The following LRRK1 variants were observed in gnomAD, a reference collection of about 807,000 sequenced individuals.
LRRK1 encodes the protein leucine rich repeat kinase 1, also known as leucine-rich repeat serine/threonine-protein kinase 1.
In LRRK1, 113 loss-of-function variants were observed where a neutral mutation model predicts 209.1. The ratio of observed to expected loss-of-function variants is 0.54; its 90% CI spans 0.46 to 0.63. The LOEUF is 0.63. Ranked by LOEUF, LRRK1 falls within the 30% of genes least tolerant of loss-of-function variation. LRRK1 has a pLI of 0.00. For synonymous variants in LRRK1, 1,144 were observed against 1,099.7 expected (o/e 1.04, Z -0.80); for missense variants, 2,284 against 2,632.2 (o/e 0.87, Z 2.89).
At chr15:101,006,379 AAAAAAAAAAAAAAG>A (rs1217062055) in intron 6 of LRRK1, among the ~76,000 whole-genome samples, 2 of 49,522 alleles carry the variant, frequency 4.0e-5, no homozygotes, top group African/African-American at 1.8e-4. Flanking sequence ...TGATAAAAAA[AAAAAAAAAAAAAAG>A]AAAAGGCATT....
chr15:100,999,965 A>G (rs1275255318), intron 6 of LRRK1, among the ~76,000 whole-genome samples: 1 of 152,196 alleles, frequency 6.6e-6, no homozygotes, highest in African/African-American at 2.4e-5. Flanking sequence ...TTCAACGGTA[A>G]TATTTCCTTT....
chr15:101,057,909 G>C, intron 28 of LRRK1, 81 bp from the exon 29 acceptor site: 1 of 1,465,424 alleles, frequency 6.8e-7, no homozygotes, highest in Non-Finnish European at 9.5e-7. Flanking sequence ...CCTGGTTGGG[G>C]CTGGCTGATC....
At chr15:101,021,290 T>C (rs527653682) in intron 13 of LRRK1, 108 bp downstream of exon 13, 1 of 1,259,912 alleles carries the variant, frequency 7.9e-7, no homozygotes, top group East Asian at 2.4e-5. Flanking sequence ...AGAAGCCATC[T>C]ACTTTCCAAG....
chr15:101,064,053 G>A (rs916226370), intron 31 of LRRK1, among the ~76,000 whole-genome samples: 6 of 152,240 alleles, frequency 3.9e-5, no homozygotes, highest in South Asian at 2.1e-4. Flanking sequence ...CTCCAAGGCC[G>A]CCAGCGCGAA....
At chr15:101,062,294 A>C in intron 30 of LRRK1, 1 of 346,260 alleles carries the variant, frequency 2.9e-6, no homozygotes, top group Non-Finnish European at 5.4e-6. Context: ...AATACCACAG[A>C]GAACTTCTGA....
At chr15:100,973,507 C>G (rs568966508) in intron 2 of LRRK1, among the ~76,000 whole-genome samples, 1 of 152,230 alleles carries the variant, frequency 6.6e-6, no homozygotes, top group South Asian at 2.1e-4. Context: ...GAGGTCGGCC[C>G]GGCCGCTCCC....
At chr15:101,065,293 GTC>G (rs2036464751) in intron 31 of LRRK1, 57 bp from the exon 32 acceptor site, 11 of 1,569,574 alleles carry the variant, frequency 7.0e-6, no homozygotes, top group African/African-American at 2.7e-5. Context: ...CCTACTCTGT[GTC>G]TCTCTTGGAA....
chr15:101,015,445 G>C (rs759430515), intron 12 of LRRK1, 43 bp downstream of exon 12: 10 of 1,471,152 alleles, frequency 6.8e-6, no homozygotes, highest in Non-Finnish European at 2.8e-6. Context: ...TGAGACAGCC[G>C]GGGTAGCCTG....
rs189870470 is a variant in LRRK1 at position 101,050,328 on chromosome 15, A to T, written c.3439+545A>T. The stretch of plus-strand genomic sequence containing the variant: ...TTTCTTCATTGATAGTTCACCCAAA[A>T]AAAGTACTCTTTGAGTGAAGTTCCT... On this transcript the variant is annotated intron_variant, in intron 23 of 33. Transcript: ENST00000388948. Among the ~76,000 whole-genome samples the T allele has an allele frequency of 1.6e-3, 239 of 152,264 alleles. 2 individuals carry two copies. The highest frequency in any genetic ancestry group is 5.0e-3 in the African/African-American group (207 of 41,550).
intron 3 of LRRK1, among the ~76,000 whole-genome samples, chr15:100,974,633 G>A (rs2031187224): frequency 6.6e-6 from 1 of 152,188 alleles, no homozygotes; most frequent in South Asian, 2.1e-4. Context: ...GCTGATATTA[G>A]GATTGCTTCT....
chr15:101,059,018 T>C (rs1281441023), intron 29 of LRRK1, among the ~76,000 whole-genome samples: 1 of 152,160 alleles, frequency 6.6e-6, no homozygotes, highest in Non-Finnish European at 1.5e-5. Flanking sequence ...AGGTCAGTCT[T>C]TGTGAGTTTG....
intron 2 of LRRK1, among the ~76,000 whole-genome samples, chr15:100,935,712 G>C (rs116856006): frequency 6.6e-6 from 1 of 152,190 alleles, no homozygotes; most frequent in Non-Finnish European, 1.5e-5. Flanking sequence ...CCACACACAA[G>C]TATGTAACAA....
chr15:101,022,098 A>G lies in LRRK1; in HGVS notation c.1852+141A>G. 1 of 662,820 alleles carries G rather than the reference A, an allele frequency of 1.5e-6. No individual in the cohort carries two copies. Among genetic ancestry groups the G allele is most frequent in the Admixed American group, 2.9e-5 (1 of 34,918 alleles). The allele number at this position is 662,820 out of a possible 1,614,324, so 41.1% of individuals were successfully genotyped here. On this transcript the variant is annotated intron_variant, in intron 14 of 33. Coordinates refer to ENST00000388948, the MANE Select transcript of LRRK1 (RefSeq NM_024652.6). The surrounding 1 kb of genome is among the most constrained non-coding windows in gnomAD (Gnocchi z 4.0). ...TCCAGATTTGACAAGATGCTATAAA[A>G]TTGTCCCTAAAGCAATCGTTACTGA...
chr15:101,062,677 C>CTGTTAT lies in LRRK1; in HGVS notation c.4903_4908dup (p.Val1635_Ile1636dup), dbSNP rs1374468672. Reference sequence around the variant, plus strand: ...GTCGTCACCTGCTTCTTGGCCGTGCCTGTTATTAAAAAGGTGAGGTCGGGG... The same window carrying CTGTTAT: ...GTCGTCACCTGCTTCTTGGCCGTGCCTGTTATTGTTATTAAAAAGGTGAGGTCGGGG... On this transcript the variant is annotated inframe_insertion, in exon 31 of 34. Coordinates refer to ENST00000388948, the MANE Select transcript of LRRK1 (RefSeq NM_024652.6). The CTGTTAT allele has an allele frequency of 1.2e-6, 2 of 1,613,340 alleles. No individual in the cohort carries two copies. The highest frequency in any genetic ancestry group is 4.5e-5 in the East Asian group (2 of 44,894).
chr15:101,068,040 C>T (rs778164707), intron 33 of LRRK1, among the ~76,000 whole-genome samples: 2 of 152,142 alleles, frequency 1.3e-5, no homozygotes, highest in Non-Finnish European at 2.9e-5. Flanking sequence ...ACACACGGGA[C>T]ACAGAGGGAG....
At chr15:101,029,401 G>A (rs1318700143) in intron 20 of LRRK1, among the ~76,000 whole-genome samples, 169 bp downstream of exon 20, 4 of 152,126 alleles carry the variant, frequency 2.6e-5, no homozygotes, top group African/African-American at 9.7e-5. Flanking sequence ...GCCTGGGTCA[G>A]CAGGACAGTG....
chr15:101,034,692 C>T (rs2034427428), intron 20 of LRRK1, among the ~76,000 whole-genome samples: 1 of 152,052 alleles, frequency 6.6e-6, no homozygotes, highest in Non-Finnish European at 1.5e-5. Flanking sequence ...TAGTGTGATT[C>T]CTCCAGCTTT....
Position 100,988,882 on chromosome 15 carries a change from G to A in LRRK1, c.613+69G>A, listed in dbSNP as rs1458707125. 6 of 1,298,126 alleles carry A rather than the reference G, an allele frequency of 4.6e-6. No homozygotes were observed. In the South Asian group the frequency reaches 7.2e-5, roughly 16 times the overall value. 80.4% of individuals were successfully genotyped at this position (1,298,126 alleles called of 1,614,324 possible). A position where few individuals can be genotyped will look rare whatever the true frequency, so the allele number is the denominator to read the frequency against. On this transcript the variant is annotated intron_variant, in intron 5 of 33. Coordinates refer to ENST00000388948, the MANE Select transcript of LRRK1 (RefSeq NM_024652.6). ...CATCTCAGCCTCCAGATGTGGGACT[G>A]TGTCTTTATTCTCACTCTTGGCTCT...
chr15:101,020,474 A>C (rs2033729857), intron 12 of LRRK1, among the ~76,000 whole-genome samples: 1 of 149,732 alleles, frequency 6.7e-6, no homozygotes, highest in Non-Finnish European at 1.5e-5. Flanking sequence ...TCCCAGGTTC[A>C]AGTAATTCTC....
Sources: gnomAD v4.1 joint callset for allele counts (sites outside exome capture counted in the v4.1 genomes callset) on GRCh38, gnomAD v4.1.1 for gene constraint, Gnocchi (gnomAD v3.1) non-coding constraint, MANE v1.5 for transcripts, NCBI Gene and HGNC (gene_info 2026-07-23, HGNC 2026-07-21) for gene names.